Variants in SDK1 observed in about 807,000 individuals in gnomAD.
SDK1 encodes protein sidekick-1.
In SDK1, 157 loss-of-function variants were observed where a neutral mutation model predicts 245.5. The ratio of observed to expected loss-of-function variants is 0.64; its 90% CI spans 0.56 to 0.73. The LOEUF (loss-of-function observed/expected upper bound fraction) is 0.73, where lower values mean the gene tolerates loss of function less well. SDK1 is among the 30% of genes least tolerant of loss of function. The pLI, the probability that SDK1 is intolerant of heterozygous loss-of-function variation, is 0.00. For missense variants in SDK1, 3,583 were observed against 3,002.3 expected, an observed-to-expected ratio of 1.19 and a Z score of -4.52; for synonymous variants, 1,647 against 1,278.5, an observed-to-expected ratio of 1.29 and a Z score of -6.15.
At position 4,050,927 on chromosome 7, in the gene SDK1, T is replaced by C. The variant is rs371862277; in HGVS notation, c.2719-711T>C. Among the ~76,000 whole-genome samples the C allele has an allele frequency of 1.0e-4, 15 of 143,686 alleles. No individual in the cohort carries two copies. The South Asian group carries it at 1.9e-3, about 18-fold the overall frequency. 94.3% of individuals were successfully genotyped at this position (143,686 alleles called of 152,430 possible). ...TATATAGTATATATAATGTATTATA[T>C]ATACATACATACTATACGTATATAT... On this transcript the variant is annotated intron_variant, in intron 18 of 44. Coordinates refer to ENST00000404826, the MANE Select transcript of SDK1 (RefSeq NM_152744.4).
chr7:4,010,093 G>C (rs1227793218), intron 14 of SDK1, among the ~76,000 whole-genome samples: 1 of 152,196 alleles, frequency 6.6e-6, no homozygotes, highest in African/African-American at 2.4e-5. Context: ...CAGCGAGACA[G>C]CTCGATTTCC....
chr7:3,368,062 A>G (rs568528734), intron 1 of SDK1, among the ~76,000 whole-genome samples: 1 of 152,332 alleles, frequency 6.6e-6, no homozygotes, highest in Non-Finnish European at 1.5e-5. Flanking sequence ...TTCTAAGAGA[A>G]AACAATCTGC....
At chr7:3,899,888 T>C (rs1367342095) in intron 5 of SDK1, among the ~76,000 whole-genome samples, 1 of 152,254 alleles carries the variant, frequency 6.6e-6, no homozygotes, top group Non-Finnish European at 1.5e-5. Context: ...GGCACACAGC[T>C]CTGCTGCAGG....
At chr7:4,061,185 A>T (rs573469097) in intron 19 of SDK1, among the ~76,000 whole-genome samples, 2 of 152,012 alleles carry the variant, frequency 1.3e-5, no homozygotes, top group Non-Finnish European at 2.9e-5. Flanking sequence ...GAAGAAAGTC[A>T]TTGGTAGCTT....
At chr7:3,624,987 C>G (rs1257520431) in intron 2 of SDK1, among the ~76,000 whole-genome samples, 2 of 151,920 alleles carry the variant, frequency 1.3e-5, no homozygotes, top group Admixed American at 6.6e-5. Flanking sequence ...TGCAGTAAGC[C>G]AAGATCATGC....
chr7:4,171,318 G>A (rs1026764004), intron 32 of SDK1, among the ~76,000 whole-genome samples: 4 of 152,200 alleles, frequency 2.6e-5, no homozygotes, highest in South Asian at 2.1e-4. Flanking sequence ...TACTGGAGGC[G>A]CTTTGAAAAG....
chr7:3,397,917 A>T (rs566248646), intron 1 of SDK1, among the ~76,000 whole-genome samples: 1 of 152,216 alleles, frequency 6.6e-6, no homozygotes, highest in South Asian at 2.1e-4. Flanking sequence ...TATGAGTCTG[A>T]TTCTGATGCT....
At chr7:4,114,668 A>C (rs1783585484) in intron 25 of SDK1, among the ~76,000 whole-genome samples, 1 of 152,162 alleles carries the variant, frequency 6.6e-6, no homozygotes. Flanking sequence ...TGTGGTAATA[A>C]ATAGGCCTCT....
At chr7:3,844,478 G>T (rs1002918071) in intron 5 of SDK1, among the ~76,000 whole-genome samples, 2 of 152,174 alleles carry the variant, frequency 1.3e-5, no homozygotes, top group Non-Finnish European at 2.9e-5. Flanking sequence ...CCTTGGATGT[G>T]CTAGCCTGGC....
intron 1 of SDK1, among the ~76,000 whole-genome samples, chr7:3,395,458 A>C (rs573836325): frequency 6.6e-6 from 1 of 151,876 alleles, no homozygotes; most frequent in Non-Finnish European, 1.5e-5. Flanking sequence ...TCGCTTTGCT[A>C]TCAGGGTGTT....
At chr7:3,338,221 A>G (rs1466861607) in intron 1 of SDK1, 1 of 286,816 alleles carries the variant, frequency 3.5e-6, no homozygotes, top group East Asian at 7.6e-5. Flanking sequence ...ATACCTGCAA[A>G]TCTATAAGAA....
Position 3,451,786 on chromosome 7 carries a change from T to C in SDK1, c.298+149902T>C, listed in dbSNP as rs377304315. The stretch of plus-strand genomic sequence containing the variant: ...TCTCCTTCAAAACGTCCACATTTTT[T>C]CTCTCAGTCATAAACATTTAAAAAC... On this transcript the variant is annotated intron_variant, in intron 1 of 44. Coordinates refer to ENST00000404826, the MANE Select transcript of SDK1 (RefSeq NM_152744.4). Among the ~76,000 whole-genome samples the C allele has an allele frequency of 2.5e-3, 375 of 152,300 alleles. 4 individuals are homozygous for C. Among genetic ancestry groups the C allele is most frequent in the African/African-American group, 8.6e-3 (359 of 41,574 alleles).
chr7:3,623,317 G>A (rs1315721027), intron 2 of SDK1, among the ~76,000 whole-genome samples: 1 of 144,604 alleles, frequency 6.9e-6, no homozygotes, highest in East Asian at 2.0e-4. Flanking sequence ...GAGCGATCTC[G>A]GCTCACTGCA....
chr7:3,965,680 G>A (rs571953758), intron 9 of SDK1, among the ~76,000 whole-genome samples: 1 of 152,270 alleles, frequency 6.6e-6, no homozygotes, highest in East Asian at 1.9e-4. Context: ...AGGGTCTGCA[G>A]GGAGGAGAAA....
chr7:3,612,495 G>C (rs1000659444), intron 1 of SDK1, among the ~76,000 whole-genome samples: 3 of 152,112 alleles, frequency 2.0e-5, no homozygotes, highest in Non-Finnish European at 4.4e-5. Flanking sequence ...GCTGAAATTT[G>C]AATGACTACA....
At position 3,301,889 on chromosome 7, in the gene SDK1, G is replaced by A. The variant is rs1296310077; in HGVS notation, c.298+5G>A. ...TGCTCCGGGCGCTGGCGCAAGGTAG[G>A]TGCGCGCGGGGTCGCGGGCCGGGGG... On this transcript the variant is annotated splice_donor_5th_base_variant and intron_variant, in intron 1 of 44. Transcript: ENST00000404826. The A allele has an allele frequency of 2.6e-6, 3 of 1,136,496 alleles. No individual in the cohort carries two copies. The highest frequency in any genetic ancestry group is 3.2e-6 in the Non-Finnish European group (3 of 926,954). The allele number at this position is 1,136,496 out of a possible 1,614,324, so 70.4% of individuals were successfully genotyped here. A position where few individuals can be genotyped will look rare whatever the true frequency, so the allele number is the denominator to read the frequency against.
At chr7:4,139,291 GT>G (rs902408515) in intron 28 of SDK1, among the ~76,000 whole-genome samples, 5 of 151,614 alleles carry the variant, frequency 3.3e-5, no homozygotes, top group African/African-American at 7.3e-5. Flanking sequence ...GATTTCATGG[GT>G]TTTTTTTTCC....
In SDK1 at chr7:3,642,063, C is replaced by T. The variant is rs773707490; in HGVS notation, c.671C>T (p.Thr224Ile). The T allele has an allele frequency of 5.0e-6, 8 of 1,614,156 alleles. No homozygotes were observed. In the East Asian group the frequency reaches 6.7e-5, roughly 13 times the overall value. ...ACCAGCTACCCCAGACCTCAAGTGACTTGGTTTAGAGAAGGGCACAAGATT... is the reference window on the plus strand; with the variant it reads ...ACCAGCTACCCCAGACCTCAAGTGATTTGGTTTAGAGAAGGGCACAAGATT... Reference protein sequence around the residue: ...PITSYPRPQVTWFREGHKIIP... With the variant: ...PITSYPRPQVIWFREGHKIIP... The change falls in exon 4 of 45, where the codon ACT becomes ATT. Residue 224 changes from threonine to isoleucine, a missense_variant. Transcript: ENST00000404826.
At chr7:3,447,584 T>A (rs532999964) in intron 1 of SDK1, among the ~76,000 whole-genome samples, 1 of 152,316 alleles carries the variant, frequency 6.6e-6, no homozygotes, top group East Asian at 1.9e-4. Context: ...ATAGTATGAA[T>A]GTACTAATTA....
Sources: allele counts gnomAD v4.1 joint callset (sites outside exome capture counted in the v4.1 genomes callset), GRCh38; gene constraint gnomAD v4.1.1; transcripts MANE v1.5; gene names NCBI Gene and HGNC (gene_info 2026-07-23, HGNC 2026-07-21).